Variants in DDX10 observed in about 807,000 individuals in gnomAD.
The protein encoded by DDX10 is probable ATP-dependent RNA helicase DDX10.
Under a neutral mutation model 104.3 loss-of-function variants are expected in DDX10, and 74 were observed. That is an observed-to-expected ratio of 0.71 (90% confidence interval 0.59 to 0.86). The LOEUF (loss-of-function observed/expected upper bound fraction) is 0.86, where lower values mean the gene tolerates loss of function less well. Ranked by LOEUF, DDX10 falls within the 40% of genes least tolerant of loss-of-function variation. DDX10 has a pLI of 0.00. For synonymous variants in DDX10, 351 were observed against 353.4 expected, an observed-to-expected ratio of 0.99 and a Z score of 0.08; for missense variants, 952 against 1,040.0, an observed-to-expected ratio of 0.92 and a Z score of 1.16.
chr11:108,917,212 A>G (rs1370191101), intron 16 of DDX10, among the ~76,000 whole-genome samples: 2 of 150,862 alleles, frequency 1.3e-5, no homozygotes, highest in East Asian at 1.9e-4. Flanking sequence ...CTACAGACAC[A>G]TGCCACCATG....
At chr11:108,716,345 C>T in intron 11 of DDX10, among the ~76,000 whole-genome samples, 1 of 152,132 alleles carries the variant, frequency 6.6e-6, no homozygotes, top group East Asian at 1.9e-4. Context: ...AGGTGAACTG[C>T]CTTGGCCTCC....
rs2094231787 is a variant in DDX10 at position 108,679,570 on chromosome 11, C to CT, written c.848+13dup. ...AAAAAGCAAAATATAGGTATGTACT[C>CT]TTTGAGTCAATCAAGATAAATGTTT... On this transcript the variant is annotated intron_variant, in intron 6 of 17. Coordinates refer to ENST00000322536, the MANE Select transcript of DDX10 (RefSeq NM_004398.4). 6.5e-7 allele frequency: 1 copy of CT among 1,535,348 alleles called. No homozygotes were observed. Among genetic ancestry groups the CT allele is most frequent in the African/African-American group, 1.4e-5 (1 of 71,790 alleles).
At chr11:108,742,409 T>C (rs2094326340) in intron 13 of DDX10, among the ~76,000 whole-genome samples, 1 of 147,824 alleles carries the variant, frequency 6.8e-6, no homozygotes, top group Non-Finnish European at 1.5e-5. Context: ...CTACTAAAAA[T>C]AAAAAATCAG....
chr11:108,877,263 T>A (rs1447141719), intron 16 of DDX10, among the ~76,000 whole-genome samples: 2 of 152,252 alleles, frequency 1.3e-5, no homozygotes, highest in Non-Finnish European at 2.9e-5. Context: ...GCTTCATATT[T>A]ATGATTCTTT....
At chr11:108,893,342 A>G (rs2134641849) in intron 16 of DDX10, among the ~76,000 whole-genome samples, 1 of 152,186 alleles carries the variant, frequency 6.6e-6, no homozygotes, top group South Asian at 2.1e-4. Context: ...ATTTTATATT[A>G]AAACCCAAAG....
chr11:108,689,287 A>C (rs1236913769), intron 7 of DDX10, among the ~76,000 whole-genome samples: 2 of 152,210 alleles, frequency 1.3e-5, no homozygotes, highest in African/African-American at 4.8e-5. Context: ...ACAATACTGG[A>C]AATGTAGTCC....
At chr11:108,732,617 A>T (rs1320024961) in intron 13 of DDX10, among the ~76,000 whole-genome samples, 1 of 152,214 alleles carries the variant, frequency 6.6e-6, no homozygotes, top group African/African-American at 2.4e-5. Flanking sequence ...AGTGAAGGAC[A>T]ACAAGATTTT....
At chr11:108,843,336 A>G (rs1862666717) in intron 15 of DDX10, among the ~76,000 whole-genome samples, 1 of 151,424 alleles carries the variant, frequency 6.6e-6, no homozygotes, top group Non-Finnish European at 1.5e-5. Context: ...GAAGATTATA[A>G]TTAAGTCTTA....
chr11:108,920,885 C>G (rs1319295232), intron 17 of DDX10: 1 of 152,260 alleles, frequency 6.6e-6, no homozygotes, highest in African/African-American at 2.4e-5. Flanking sequence ...TGTCTTCAGA[C>G]ATGGCAGGTA....
At chr11:108,830,361 G>T (rs1862451842) in intron 13 of DDX10, among the ~76,000 whole-genome samples, 1 of 152,064 alleles carries the variant, frequency 6.6e-6, no homozygotes, top group Non-Finnish European at 1.5e-5. Context: ...TCTCAGCTTG[G>T]TCACTGTTGG....
At chr11:108,829,854 T>C (rs1278564923) in intron 13 of DDX10, among the ~76,000 whole-genome samples, 1 of 152,072 alleles carries the variant, frequency 6.6e-6, no homozygotes, top group Non-Finnish European at 1.5e-5. Flanking sequence ...TTCCTCACTT[T>C]ATGTTTGTTA....
At chr11:108,875,689 A>G (rs923237925) in intron 16 of DDX10, among the ~76,000 whole-genome samples, 3 of 152,218 alleles carry the variant, frequency 2.0e-5, no homozygotes, top group Non-Finnish European at 4.4e-5. Context: ...TAAAGCTAAC[A>G]TCTAATATAA....
chr11:108,933,643 C>T (rs527730735), intron 17 of DDX10, among the ~76,000 whole-genome samples: 11 of 152,156 alleles, frequency 7.2e-5, no homozygotes, highest in South Asian at 4.2e-4. Context: ...ATTTCCCTTC[C>T]GCCATTAGTG....
At chr11:108,927,104 G>C (rs552968435) in intron 17 of DDX10, among the ~76,000 whole-genome samples, 1 of 152,240 alleles carries the variant, frequency 6.6e-6, no homozygotes, top group East Asian at 1.9e-4. Context: ...TAGCTTCCTT[G>C]CAGCTTTATC....
chr11:108,858,689 A>G (rs1200966083), intron 16 of DDX10, among the ~76,000 whole-genome samples: 4 of 152,222 alleles, frequency 2.6e-5, no homozygotes, highest in African/African-American at 4.8e-5. Context: ...TCCTTCACGC[A>G]TGCCTTATTT....
chr11:108,783,795 A>G (rs1310646896), intron 13 of DDX10, among the ~76,000 whole-genome samples: 3 of 152,196 alleles, frequency 2.0e-5, no homozygotes, highest in Non-Finnish European at 4.4e-5. Flanking sequence ...ATAGTACCCA[A>G]TAAGTGCACG....
chr11:108,874,706 T>C (rs1303528751), intron 16 of DDX10, among the ~76,000 whole-genome samples: 1 of 152,130 alleles, frequency 6.6e-6, no homozygotes, highest in African/African-American at 2.4e-5. Flanking sequence ...TTGAGAATAG[T>C]TGTATCTCTT....
At chr11:108,909,046 T>C (rs563202176) in intron 16 of DDX10, among the ~76,000 whole-genome samples, 2 of 152,320 alleles carry the variant, frequency 1.3e-5, no homozygotes, top group South Asian at 4.1e-4. Flanking sequence ...CTGGTTTTAC[T>C]TAAGAAGTCA....
intron 13 of DDX10, among the ~76,000 whole-genome samples, chr11:108,798,640 A>G (rs1861978240): frequency 6.6e-6 from 1 of 152,174 alleles, no homozygotes; most frequent in East Asian, 1.9e-4. Context: ...TTAAGGTTGA[A>G]TATCAAATCT....
Sources: gnomAD v4.1 joint callset for allele counts (sites outside exome capture counted in the v4.1 genomes callset) on GRCh38, gnomAD v4.1.1 for gene constraint, MANE v1.5 for transcripts, NCBI Gene and HGNC (gene_info 2026-07-23, HGNC 2026-07-21) for gene names.